The following PTPRN2 variants were observed in gnomAD, a reference collection of about 807,000 sequenced individuals.
PTPRN2 encodes the protein receptor-type tyrosine-protein phosphatase N2.
A neutral mutation model predicts 118.8 loss-of-function variants in PTPRN2; 74 were observed. The ratio of observed to expected loss-of-function variants is 0.62; its 90% CI spans 0.52 to 0.76. PTPRN2 has a LOEUF of 0.76. Ranked by LOEUF, PTPRN2 falls within the 30% of genes least tolerant of loss-of-function variation. The pLI, the probability that PTPRN2 is intolerant of heterozygous loss-of-function variation, is 0.00. For missense variants in PTPRN2, 1,481 were observed against 1,394.4 expected (o/e 1.06, Z -0.99); for synonymous variants, 641 against 608.0 (o/e 1.05, Z -0.80).
At chr7:158,359,738 G>A (rs145014364) in intron 2 of PTPRN2, among the ~76,000 whole-genome samples, 8 of 152,118 alleles carry the variant, frequency 5.3e-5, no homozygotes, top group Non-Finnish European at 1.0e-4. Flanking sequence ...GTCGATGAAC[G>A]GATAATGAAA....
intron 11 of PTPRN2, among the ~76,000 whole-genome samples, chr7:157,901,338 G>C (rs1797426210): frequency 6.6e-6 from 1 of 152,022 alleles, no homozygotes; most frequent in African/African-American, 2.4e-5. Context: ...GAACCAACCA[G>C]ATGCAGAGTC....
intron 14 of PTPRN2, among the ~76,000 whole-genome samples, chr7:157,631,894 C>T (rs544440998): frequency 6.6e-6 from 1 of 151,022 alleles, no homozygotes; most frequent in South Asian, 2.1e-4. Flanking sequence ...AAGAAAATGA[C>T]ATGCTTTTTT....
chr7:158,477,964 A>AC (rs1820382913), intron 2 of PTPRN2, among the ~76,000 whole-genome samples: 3 of 152,342 alleles, frequency 2.0e-5, no homozygotes, highest in South Asian at 2.1e-4. Context: ...GCCAGGAAAG[A>AC]GGGAGGCACC....
chr7:157,640,973 G>A (rs747135488), intron 14 of PTPRN2, among the ~76,000 whole-genome samples: 4 of 152,210 alleles, frequency 2.6e-5, no homozygotes, highest in Middle Eastern at 3.4e-3. Context: ...GGGGGGAGAG[G>A]GGAACCTCAT....
chr7:157,946,406 A>G (rs1800490712), intron 11 of PTPRN2, among the ~76,000 whole-genome samples: 2 of 152,232 alleles, frequency 1.3e-5, no homozygotes, highest in Non-Finnish European at 2.9e-5. Context: ...AAGAATAGTT[A>G]TTTGTTCACA....
Position 157,628,804 on chromosome 7 carries a change from C to T in PTPRN2, c.2197-7295G>A, listed in dbSNP as rs565250207. On this transcript the variant is annotated intron_variant, in intron 14 of 22. Transcript: ENST00000389418. ...GGAAAGACTCCTGAGTTCCCTCCCA[C>T]GCTCTGTGGCTGCACTGCGGTTCTG... is the stretch of plus-strand genomic sequence containing the variant. Among the ~76,000 whole-genome samples the T allele has an allele frequency of 3.9e-5, 6 of 152,336 alleles. No individual in the cohort carries two copies. The East Asian group carries it at 5.8e-4, about 15-fold the overall frequency.
chr7:157,934,875 A>T (rs1006304330), intron 11 of PTPRN2, among the ~76,000 whole-genome samples: 1 of 152,234 alleles, frequency 6.6e-6, no homozygotes, highest in Non-Finnish European at 1.5e-5. Flanking sequence ...ATGGGCTGGC[A>T]CGAAAGCAGG....
intron 6 of PTPRN2, among the ~76,000 whole-genome samples, chr7:158,146,476 C>A (rs1015447635): frequency 4.6e-5 from 7 of 151,994 alleles, no homozygotes; most frequent in Non-Finnish European, 7.4e-5. Context: ...AATCCCAGCA[C>A]TTTGGGACGC....
At chr7:158,090,822 A>C (rs1814055829) in intron 10 of PTPRN2, among the ~76,000 whole-genome samples, 2 of 152,182 alleles carry the variant, frequency 1.3e-5, no homozygotes, top group South Asian at 4.1e-4. Context: ...AAATACATAT[A>C]ATTATCTGCC....
At chr7:157,943,625 C>A (rs1316380607) in intron 11 of PTPRN2, among the ~76,000 whole-genome samples, 4 of 151,562 alleles carry the variant, frequency 2.6e-5, no homozygotes, top group Non-Finnish European at 4.4e-5. Context: ...AATGCTGAAA[C>A]CCCCTCCCAA....
At chr7:158,373,208 C>T (rs555768470) in intron 2 of PTPRN2, among the ~76,000 whole-genome samples, 2 of 152,212 alleles carry the variant, frequency 1.3e-5, no homozygotes, top group South Asian at 2.1e-4. Context: ...GACGCCCGTA[C>T]GCTGCGGAAT....
chr7:158,134,035 CGA>C lies in PTPRN2; in HGVS notation c.1196_1197del (p.Leu399ArgfsTer33). ...YQEVHRLSATLGGLLQDHGSR... is the reference protein window; with the variant it reads ...YQEVHRLSATXGGLLQDHGSR... ...GACCCGTGGTCCTGCAGGAGGCCCC[CGA>C]GTGTGGCACTCAGACGATGGACCTG... On this transcript the variant is annotated frameshift_variant, in exon 9 of 23. Coordinates refer to ENST00000389418, the MANE Select transcript of PTPRN2 (RefSeq NM_002847.5). LOFTEE classifies it high-confidence loss of function. 6.2e-7 allele frequency: 1 copy of C among 1,613,668 alleles called. No individual in the cohort carries two copies. The highest frequency in any genetic ancestry group is 2.2e-5 in the East Asian group (1 of 44,870).
At chr7:158,096,616 C>A (rs961377168) in intron 10 of PTPRN2, among the ~76,000 whole-genome samples, 2 of 152,186 alleles carry the variant, frequency 1.3e-5, no homozygotes, top group African/African-American at 4.8e-5. Flanking sequence ...CCAGGAAAAC[C>A]TCATGTCACT....
chr7:158,130,817 CACATACACACACGT>C (rs963920287), intron 9 of PTPRN2, among the ~76,000 whole-genome samples: 2 of 151,832 alleles, frequency 1.3e-5, no homozygotes, highest in Non-Finnish European at 2.9e-5. Flanking sequence ...CCAACACACA[CACATACACACACGT>C]ACATACACAC....
At chr7:157,705,380 G>C (rs902968789) in intron 12 of PTPRN2, among the ~76,000 whole-genome samples, 3 of 152,208 alleles carry the variant, frequency 2.0e-5, no homozygotes, top group Non-Finnish European at 4.4e-5. Flanking sequence ...AAGGTAACCT[G>C]CTTAAGGTCA....
At chr7:158,278,288 A>C (rs1276363164) in intron 3 of PTPRN2, among the ~76,000 whole-genome samples, 1 of 152,114 alleles carries the variant, frequency 6.6e-6, no homozygotes, top group Non-Finnish European at 1.5e-5. Context: ...AGGAGGAAAC[A>C]AGGTCAAATC....
At chr7:158,583,878 A>G (rs1013956822) in intron 1 of PTPRN2, among the ~76,000 whole-genome samples, 12 of 152,212 alleles carry the variant, frequency 7.9e-5, no homozygotes, top group Admixed American at 7.9e-4. Flanking sequence ...ACCAAACGGA[A>G]TCAGAGGCTC....
At chr7:157,910,724 G>GTA (rs60071752) in intron 11 of PTPRN2, among the ~76,000 whole-genome samples, 2 of 152,094 alleles carry the variant, frequency 1.3e-5, no homozygotes, top group Non-Finnish European at 2.9e-5. Flanking sequence ...GTGTGTGTGT[G>GTA]CGAGCGCGCG....
rs559582683 is a variant in PTPRN2, at chr7:157,738,221, G to T, written c.1789-55284C>A. Among the ~76,000 whole-genome samples the T allele has an allele frequency of 2.6e-5, 4 of 152,320 alleles. No homozygotes were observed. The South Asian group carries it at 6.2e-4, about 24-fold the overall frequency. On this transcript the variant is annotated intron_variant, in intron 12 of 22. Coordinates refer to ENST00000389418, the MANE Select transcript of PTPRN2 (RefSeq NM_002847.5). ...TAAGCTCCACGTGACCCAGGGGGAC[G>T]TATCTGTGTGCTCTGGGAAGGCTGA...
Sources: gnomAD v4.1 joint callset for allele counts (sites outside exome capture counted in the v4.1 genomes callset) on GRCh38, gnomAD v4.1.1 for gene constraint, MANE v1.5 for transcripts, NCBI Gene and HGNC (gene_info 2026-07-23, HGNC 2026-07-21) for gene names.